Variants in NEK2 observed in about 807,000 individuals in gnomAD.
NEK2 encodes serine/threonine-protein kinase Nek2.
Under a neutral mutation model 54.1 loss-of-function variants are expected in NEK2, and 28 were observed. The ratio of observed to expected loss-of-function variants is 0.52; its 90% CI spans 0.38 to 0.71. The LOEUF (loss-of-function observed/expected upper bound fraction) is 0.71, where lower values mean the gene tolerates loss of function less well. Ranked by LOEUF, NEK2 falls within the 30% of genes least tolerant of loss-of-function variation. NEK2 has a pLI of 0.00. For missense variants in NEK2, 407 were observed against 531.5 expected, an observed-to-expected ratio of 0.77 and a Z score of 2.30; for synonymous variants, 176 against 193.1, an observed-to-expected ratio of 0.91 and a Z score of 0.73.
At chr1:211,660,291 G>A, downstream of NEK2, 1 of 447,316 alleles carries the variant, frequency 2.2e-6, no homozygotes, top group East Asian at 5.4e-5. Context: ...GGCTGTGGCT[G>A]TAACTGTCAT....
At chr1:211,674,931 T>G (rs1655530655) in intron 1 of NEK2, among the ~76,000 whole-genome samples, 1 of 152,220 alleles carries the variant, frequency 6.6e-6, no homozygotes. Flanking sequence ...AATGTTACTT[T>G]CTGTAAAAGT....
In NEK2 at chr1:211,673,721, T is replaced by C; in HGVS notation, c.317A>G (p.Gln106Arg). Residue 106 changes from glutamine (Q) to arginine (R), a missense_variant and splice_region_variant, in exon 3 of 8, where the codon CAA (glutamine) becomes CGA (arginine). Physicochemically the swap from Gln to Arg is conservative, Grantham distance 43 (BLOSUM62 1). Coordinates refer to ENST00000366999, the MANE Select transcript of NEK2 (RefSeq NM_002497.4). ...AAGAACAAACTCTTCATCTAAGTAT[T>C]GCCTAAAACCAAAGCAGTTATACAG... ...SVITKGTKERQYLDEEFVLRV... is the reference protein window; with the variant it reads ...SVITKGTKERRYLDEEFVLRV... 1 of 1,614,112 alleles carries C rather than the reference T, an allele frequency of 6.2e-7. No individual in the cohort carries two copies. The highest frequency in any genetic ancestry group is 8.5e-7 in the Non-Finnish European group (1 of 1,179,956).
At chr1:211,664,931 C>T (rs752924505) in intron 7 of NEK2, among the ~76,000 whole-genome samples, 2 of 152,170 alleles carry the variant, frequency 1.3e-5, no homozygotes, top group Non-Finnish European at 2.9e-5. Flanking sequence ...TTGGACGCCT[C>T]GGCTTAAGTG....
intron 2 of NEK2, 42 bp from the exon 3 acceptor site, chr1:211,673,765 AT>A: frequency 1.9e-6 from 3 of 1,591,540 alleles, no homozygotes; most frequent in Non-Finnish European, 2.6e-6. Flanking sequence ...TTCTAAAAAA[AT>A]CATTGCCAAG....
At chr1:211,673,219 G>A (rs1013747265) in intron 3 of NEK2, among the ~76,000 whole-genome samples, 1 of 152,002 alleles carries the variant, frequency 6.6e-6, no homozygotes, top group Non-Finnish European at 1.5e-5. Context: ...GACCAGCCTG[G>A]TCAACATGAT....
intron 3 of NEK2, 49 bp downstream of exon 3, chr1:211,673,434 A>C (rs1156432159): frequency 1.2e-6 from 2 of 1,605,796 alleles, no homozygotes; most frequent in Non-Finnish European, 1.7e-6. Flanking sequence ...AAACAAGAAA[A>C]CAAAAATAAA....
intron 5 of NEK2, 62 bp downstream of exon 5, chr1:211,670,219 T>C: frequency 2.0e-6 from 3 of 1,490,020 alleles, no homozygotes; most frequent in South Asian, 1.2e-5. Flanking sequence ...CAAGAGAGAA[T>C]GTATGCTCTG....
chr1:211,669,483 T>C, intron 5 of NEK2, 151 bp from the exon 6 acceptor site: 1 of 666,264 alleles, frequency 1.5e-6, no homozygotes, highest in Non-Finnish European at 2.5e-6. Flanking sequence ...AAAAATAAGT[T>C]CACTGGTGGT....
chr1:211,658,526 C>T (rs1654927026), downstream of NEK2: 2 of 352,610 alleles, frequency 5.7e-6, no homozygotes, highest in South Asian at 2.1e-5. Flanking sequence ...CGCAATGGCT[C>T]ATACCTGTAA....
At chr1:211,669,548 T>C in intron 5 of NEK2, 1 of 546,530 alleles carries the variant, frequency 1.8e-6, no homozygotes, top group Non-Finnish European at 3.2e-6. Context: ...ACTTACCTTT[T>C]TTCCCTTTTC....
downstream of NEK2, chr1:211,660,178 C>A (rs1376614311): frequency 3.5e-5 from 9 of 259,046 alleles, no homozygotes; most frequent in Non-Finnish European, 6.3e-5. Context: ...CCTGCCCTTG[C>A]AGTCTCTAGG....
chr1:211,672,625 A>AG (rs1302810140), intron 3 of NEK2, among the ~76,000 whole-genome samples: 1 of 151,848 alleles, frequency 6.6e-6, no homozygotes. Flanking sequence ...TAAAAAAAAA[A>AG]AAAAACAGAG....
intron 7 of NEK2, among the ~76,000 whole-genome samples, chr1:211,664,058 CTTTGTTTTT>C (rs1369641901): frequency 2.4e-5 from 3 of 126,994 alleles, no homozygotes; most frequent in Non-Finnish European, 5.1e-5. Flanking sequence ...TTTTTTCTGT[CTTTGTTTTT>C]TTTTTTTTTT....
At position 211,669,093 on chromosome 1, in the gene NEK2, T is replaced by C. The variant is rs1027066658; in HGVS notation, c.985+20A>G. On this transcript the variant is annotated intron_variant, in intron 6 of 7. Coordinates refer to ENST00000366999, the MANE Select transcript of NEK2 (RefSeq NM_002497.4). ...CCCACTTGGTAGTTCTCCTTTGCTT[T>C]GACCCCCATTCAGACTTACGCTCCA... The C allele has an allele frequency of 1.4e-5, 22 of 1,607,306 alleles. No homozygotes were observed. The highest frequency in any genetic ancestry group is 3.3e-5 in the Admixed American group (2 of 59,836).
At chr1:211,665,776 C>A (rs1017618258) in intron 7 of NEK2, among the ~76,000 whole-genome samples, 4 of 152,190 alleles carry the variant, frequency 2.6e-5, no homozygotes, top group Admixed American at 2.0e-4. Context: ...AGTTTCATTT[C>A]TTTCCATCAC....
chr1:211,662,346 A>T (rs1655037972), downstream of NEK2, among the ~76,000 whole-genome samples: 1 of 152,150 alleles, frequency 6.6e-6, no homozygotes, highest in Non-Finnish European at 1.5e-5. This position sits in a 1 kb window ranked among gnomAD's most constrained non-coding sequence, Gnocchi z 4.2. Context: ...ATCTTTTGGG[A>T]TTTAAGACAT....
At chr1:211,675,277 G>C (rs2102449012) in intron 1 of NEK2, 107 bp downstream of exon 1, 1 of 955,336 alleles carries the variant, frequency 1.0e-6, no homozygotes, top group Non-Finnish European at 1.6e-6. Flanking sequence ...TAGTCTTCCG[G>C]GCACCCATTT....
Position 211,667,222 on chromosome 1 carries a change from T to A in NEK2, c.995A>T (p.Gln332Leu). The change falls in exon 7 of 8, where the codon CAG (glutamine) becomes CTG (leucine). Residue 332 changes from glutamine to leucine, a missense_variant. Gln to Leu is a moderately radical substitution (Grantham distance 113). Coordinates refer to ENST00000366999, the MANE Select transcript of NEK2 (RefSeq NM_002497.4). ...TAGTCTCTCACGAACACAAAGCTCC[T>A]GTTCTTTCTCTTTAAAAAGAGAATG... Reference protein sequence around the residue: ...AREERLEQKEQELCVRERLAE... With the variant: ...AREERLEQKELELCVRERLAE... The A allele has an allele frequency of 6.3e-7, 1 of 1,590,188 alleles. No individual in the cohort carries two copies. The highest frequency in any genetic ancestry group is 8.6e-7 in the Non-Finnish European group (1 of 1,169,506).
chr1:211,658,719 CAAAAAAAAAAAAA>C (rs967490624), downstream of NEK2: 58 of 37,568 alleles, frequency 1.5e-3, no homozygotes, highest in South Asian at 4.3e-3. Context: ...GACTCTATCT[CAAAAAAAAAAAAA>C]AAAAAAAAAA....
Sources: gnomAD v4.1 joint callset for allele counts (sites outside exome capture counted in the v4.1 genomes callset) on GRCh38, gnomAD v4.1.1 for gene constraint, Gnocchi (gnomAD v3.1) non-coding constraint, MANE v1.5 for transcripts, NCBI Gene and HGNC (gene_info 2026-07-23, HGNC 2026-07-21) for gene names.